Variants in TLL2 observed in about 807,000 individuals in gnomAD.
TLL2 encodes the protein tolloid like 2.
In TLL2, 106 loss-of-function variants were observed where a neutral mutation model predicts 123.0. That is an observed-to-expected ratio of 0.86 (90% CI 0.74 to 1.01). The LOEUF is 1.01. Among genes scored for constraint, TLL2 ranks in the 50% least tolerant of loss-of-function variants. TLL2 has a pLI of 0.00. For synonymous variants in TLL2, 494 were observed against 516.8 expected (o/e 0.96, Z 0.60); for missense variants, 1,332 against 1,336.7 (o/e 1.00, Z 0.06).
In TLL2 at chr10:96,453,043, G is replaced by A. The variant is rs542916357; in HGVS notation, c.287-6875C>T. On this transcript the variant is annotated intron_variant, in intron 2 of 20. Coordinates refer to ENST00000357947, the MANE Select transcript of TLL2 (RefSeq NM_012465.4). ...CATTGCCAGATTTTGTTTGTGAAAT[G>A]ATTTAATATTGGCAAGTGTATAATA... Among the ~76,000 whole-genome samples the A allele has an allele frequency of 3.9e-5, 6 of 152,304 alleles. 1 individual carries two copies. Among genetic ancestry groups the A allele is most frequent in the African/African-American group, 1.4e-4 (6 of 41,564 alleles).
At chr10:96,395,524 G>A (rs530794645) in intron 12 of TLL2, 142 bp from the exon 13 acceptor site, 2 of 795,788 alleles carry the variant, frequency 2.5e-6, no homozygotes, top group African/African-American at 1.7e-5. Context: ...TCTCCATGCT[G>A]CTTCCTAGTT....
chr10:96,475,797 T>A (rs1389296427), intron 2 of TLL2, among the ~76,000 whole-genome samples: 1 of 152,152 alleles, frequency 6.6e-6, no homozygotes, highest in Non-Finnish European at 1.5e-5. Flanking sequence ...GCTCCCGTAA[T>A]TCCAAGTGTT....
At position 96,454,007 on chromosome 10, in the gene TLL2, G is replaced by A. The variant is rs545166288; in HGVS notation, c.287-7839C>T. Among the ~76,000 whole-genome samples the A allele has an allele frequency of 3.9e-4, 50 of 128,728 alleles. No homozygotes were observed. In the South Asian group the frequency reaches 7.4e-3, roughly 19 times the overall value. 84.5% of individuals were successfully genotyped at this position (128,728 alleles called of 152,430 possible). On this transcript the variant is annotated intron_variant, in intron 2 of 20. Transcript: ENST00000357947. ...ACTATGCCTGCATTTTGTAGTGTGC[G>A]CCTGCACACACACACACACACACAC...
chr10:96,379,228 C>T, intron 16 of TLL2, 136 bp from the exon 17 acceptor site: 1 of 1,143,288 alleles, frequency 8.7e-7, no homozygotes, highest in Non-Finnish European at 1.2e-6. Context: ...ATTGTTCCCT[C>T]ACTGGAGGAG....
rs199812413 is a variant in TLL2 at position 96,386,915 on chromosome 10, A to G, written c.1852+38T>C. On this transcript the variant is annotated intron_variant, in intron 14 of 20. Transcript: ENST00000357947. ...CCACTTCCCCAAAGACTTGTCCCATATACCCTCTCATTCTAGCTTGGCAGG... is the reference window on the plus strand; with the variant it reads ...CCACTTCCCCAAAGACTTGTCCCATGTACCCTCTCATTCTAGCTTGGCAGG... 2,006 of 1,612,492 alleles carry G rather than the reference A, an allele frequency of 1.2e-3. 8 individuals carry two copies. Among genetic ancestry groups the G allele is most frequent in the Non-Finnish European group, 1.1e-3 (1,253 of 1,178,834 alleles).
chr10:96,372,259 C>T (rs17479671), intron 19 of TLL2, among the ~76,000 whole-genome samples: 57,757 of 151,890 alleles, frequency 0.38, 12,864 homozygotes, highest in Non-Finnish European at 0.5. Flanking sequence ...GGATGCTGGT[C>T]GCCATTTTGT....
chr10:96,460,524 G>A (rs1256539372), intron 2 of TLL2, among the ~76,000 whole-genome samples: 1 of 152,122 alleles, frequency 6.6e-6, no homozygotes, highest in East Asian at 1.9e-4. Context: ...GGGTGTGATT[G>A]GATCATGGGG....
intron 1 of TLL2, among the ~76,000 whole-genome samples, chr10:96,502,451 G>C (rs1233455074): frequency 6.6e-6 from 1 of 152,220 alleles, no homozygotes; most frequent in Admixed American, 6.5e-5. Flanking sequence ...GCTTGGACCA[G>C]TGGCAGTGGG....
chr10:96,419,685 T>C (rs866065897), intron 7 of TLL2, among the ~76,000 whole-genome samples: 31 of 152,304 alleles, frequency 2.0e-4, no homozygotes, highest in African/African-American at 7.5e-4. Flanking sequence ...CAGTACCCCC[T>C]GAGAACTTGG....
At chr10:96,409,314 A>G (rs1846479448) in intron 9 of TLL2, among the ~76,000 whole-genome samples, 1 of 152,148 alleles carries the variant, frequency 6.6e-6, no homozygotes, top group Admixed American at 6.5e-5. Context: ...GGTCAAATAA[A>G]CCAGTAGTGA....
chr10:96,490,532 G>T (rs142150781), intron 1 of TLL2, among the ~76,000 whole-genome samples: 2 of 152,192 alleles, frequency 1.3e-5, no homozygotes, highest in African/African-American at 4.8e-5. Flanking sequence ...AATGAATGAC[G>T]TTGAAGCAAA....
chr10:96,498,763 C>A (rs917989809), intron 1 of TLL2, among the ~76,000 whole-genome samples: 1 of 152,110 alleles, frequency 6.6e-6, no homozygotes, highest in African/African-American at 2.4e-5. Flanking sequence ...CAAACCATGC[C>A]CGTGATGATT....
intron 9 of TLL2, among the ~76,000 whole-genome samples, chr10:96,410,131 G>T (rs1283667654): frequency 6.6e-6 from 1 of 152,210 alleles, no homozygotes; most frequent in East Asian, 1.9e-4. Context: ...CTGTGAGCTT[G>T]ATTTATAACT....
rs936478232 is a variant in TLL2 at position 96,365,878 on chromosome 10, A to C, written c.*2210T>G. On this transcript the variant is annotated 3_prime_UTR_variant, in exon 21 of 21. Coordinates refer to ENST00000357947, the MANE Select transcript of TLL2 (RefSeq NM_012465.4). ...GTTGCAAATTGGCCATATGGTGACA[A>C]TTGTTGAAGCTGTGTGTTTTTGAAA... 2 of 152,226 alleles carry C rather than the reference A, an allele frequency of 1.3e-5. No individual in the cohort carries two copies. Among genetic ancestry groups the C allele is most frequent in the African/African-American group, 2.4e-5 (1 of 41,466 alleles). The allele number at this position is 152,226 out of a possible 1,614,324, so 9.4% of individuals were successfully genotyped here.
intron 2 of TLL2, among the ~76,000 whole-genome samples, chr10:96,476,481 T>G (rs1004600493): frequency 1.3e-5 from 2 of 151,342 alleles, no homozygotes; most frequent in African/African-American, 4.9e-5. Flanking sequence ...AGGCTGGTCT[T>G]GAACTCCTGA....
intron 1 of TLL2, 136 bp downstream of exon 1, chr10:96,513,375 G>A: frequency 8.9e-7 from 1 of 1,126,908 alleles, no homozygotes; most frequent in East Asian, 2.8e-5. Context: ...CGGAGGCATT[G>A]TCTTCCGGGG....
intron 10 of TLL2, among the ~76,000 whole-genome samples, chr10:96,401,685 A>G (rs1334792196): frequency 1.3e-5 from 2 of 152,172 alleles, no homozygotes; most frequent in East Asian, 3.9e-4. Context: ...ATAATGAGAA[A>G]ATCTTGTTTC....
At chr10:96,453,404 T>A (rs1589426243) in intron 2 of TLL2, among the ~76,000 whole-genome samples, 1 of 151,962 alleles carries the variant, frequency 6.6e-6, no homozygotes. Context: ...GGCAGTGAGC[T>A]GAGATCACAC....
At chr10:96,509,055 C>T (rs1467852930) in intron 1 of TLL2, among the ~76,000 whole-genome samples, 1 of 152,126 alleles carries the variant, frequency 6.6e-6, no homozygotes, top group Non-Finnish European at 1.5e-5. Context: ...GCTTCGAGGA[C>T]ACCCACATAG....
Sources: gnomAD v4.1 joint callset for allele counts (sites outside exome capture counted in the v4.1 genomes callset) on GRCh38, gnomAD v4.1.1 for gene constraint, MANE v1.5 for transcripts, NCBI Gene and HGNC (gene_info 2026-07-23, HGNC 2026-07-21) for gene names.